Variants in LARGE1 observed in about 807,000 individuals in gnomAD.
LARGE1 encodes LARGE xylosyl- and glucuronyltransferase 1, also known as xylosyl- and glucuronyltransferase LARGE1.
A neutral mutation model predicts 87.6 loss-of-function variants in LARGE1; 43 were observed. The observed-to-expected ratio is 0.49, with a 90% confidence interval of 0.38 to 0.63. LARGE1 has a LOEUF of 0.63. Among genes scored for constraint, LARGE1 ranks in the 30% least tolerant of loss-of-function variants. The probability of loss-of-function intolerance (pLI) is 0.00; values close to 1 mark genes in which losing one functional copy is unlikely to be tolerated. For missense variants in LARGE1, 802 were observed against 1,000.2 expected, an observed-to-expected ratio of 0.80 and a Z score of 2.67; for synonymous variants, 434 against 394.6, an observed-to-expected ratio of 1.10 and a Z score of -1.18.
rs367840614 is a variant in LARGE1 at position 33,446,276 on chromosome 22, G to A, written c.788-14011C>T. Among the ~76,000 whole-genome samples the A allele has an allele frequency of 1.2e-3, 188 of 152,282 alleles. 1 individual carries two copies. Among genetic ancestry groups the A allele is most frequent in the African/African-American group, 4.1e-3 (171 of 41,552 alleles). On this transcript the variant is annotated intron_variant, in intron 6 of 14. Coordinates refer to ENST00000397394, the MANE Select transcript of LARGE1 (RefSeq NM_133642.5). ...CCATAGCTCACATCTCTTCCATATG[G>A]CTGTTCCTGGGCTGTATCCTTTATA...
At position 33,501,360 on chromosome 22, in the gene LARGE1, C is replaced by G. The variant is rs189855737; in HGVS notation, c.787+63488G>C. Among the ~76,000 whole-genome samples, 542 of 152,266 alleles carry G rather than the reference C, an allele frequency of 3.6e-3. 3 individuals carry two copies. Among genetic ancestry groups the G allele is most frequent in the South Asian group, 0.022 (108 of 4,816 alleles). On this transcript the variant is annotated intron_variant, in intron 6 of 14. Coordinates refer to ENST00000397394, the MANE Select transcript of LARGE1 (RefSeq NM_133642.5). ...CTGACTTGGGGAGAGGATGGGAGAT[C>G]GCCTCTGTGTTTGCTGCAAAAGGAG...
intron 6 of LARGE1, among the ~76,000 whole-genome samples, chr22:33,512,406 C>T (rs1010870348): frequency 5.3e-5 from 8 of 151,896 alleles, no homozygotes; most frequent in Admixed American, 1.3e-4. Context: ...TTACAAAGAT[C>T]GATAATATTA....
chr22:33,557,189 ATCTT>A (rs1242587807), intron 6 of LARGE1, among the ~76,000 whole-genome samples: 2 of 152,212 alleles, frequency 1.3e-5, no homozygotes, highest in Non-Finnish European at 2.9e-5. Flanking sequence ...AAGTTAAATG[ATCTT>A]TCTAATATAT....
chr22:33,437,551 C>T (rs921401159), intron 6 of LARGE1, among the ~76,000 whole-genome samples: 3 of 152,066 alleles, frequency 2.0e-5, no homozygotes, highest in Non-Finnish European at 4.4e-5. Context: ...CTAAAAGCGT[C>T]GATGAAATAG....
intron 2 of LARGE1, among the ~76,000 whole-genome samples, chr22:33,672,137 A>C (rs903986746): frequency 3.3e-5 from 5 of 152,176 alleles, no homozygotes; most frequent in Admixed American, 1.3e-4. Context: ...AGAAAGAAGA[A>C]GACCTACGAA....
intron 4 of LARGE1, among the ~76,000 whole-genome samples, chr22:33,624,140 A>C (rs1414138904): frequency 1.3e-5 from 2 of 152,226 alleles, no homozygotes; most frequent in African/African-American, 4.8e-5. Flanking sequence ...TGGATATATT[A>C]ATTAACTGAT....
chr22:33,822,134 A>G (rs181125952), intron 1 of LARGE1, among the ~76,000 whole-genome samples: 3 of 152,294 alleles, frequency 2.0e-5, no homozygotes, highest in Admixed American at 2.0e-4. Context: ...ACTATGTAGC[A>G]TTAAATCTCA....
chr22:33,666,463 G>A (rs1397481819), intron 2 of LARGE1, among the ~76,000 whole-genome samples: 3 of 152,218 alleles, frequency 2.0e-5, no homozygotes, highest in Non-Finnish European at 2.9e-5. Context: ...ACCGCAGAGA[G>A]TGCATGAGGC....
intron 11 of LARGE1, among the ~76,000 whole-genome samples, chr22:33,173,781 G>A (rs5998778): frequency 1.8e-3 from 279 of 152,200 alleles, no homozygotes; most frequent in African/African-American, 6.5e-3. Flanking sequence ...AATGCAACAA[G>A]AAGAGCTAAC....
At chr22:33,304,111 C>A in intron 12 of LARGE1, 118 bp downstream of exon 12, 2 of 1,166,320 alleles carry the variant, frequency 1.7e-6, no homozygotes, top group South Asian at 2.6e-5. Flanking sequence ...GTCTCTGCTG[C>A]CCCATCTGGA....
At chr22:33,895,561 T>C (rs1308974314) in intron 1 of LARGE1, among the ~76,000 whole-genome samples, 1 of 152,210 alleles carries the variant, frequency 6.6e-6, no homozygotes, top group Non-Finnish European at 1.5e-5. Flanking sequence ...CCTCCTGTGC[T>C]GGCAGAATTC....
At chr22:33,811,870 G>A (rs557591896) in intron 1 of LARGE1, among the ~76,000 whole-genome samples, 28 of 152,292 alleles carry the variant, frequency 1.8e-4, no homozygotes, top group African/African-American at 6.7e-4. Context: ...CTTCAGGCCA[G>A]GGATAATGGG....
chr22:33,657,894 G>A (rs936656544), intron 2 of LARGE1, among the ~76,000 whole-genome samples: 1 of 151,684 alleles, frequency 6.6e-6, no homozygotes, highest in Admixed American at 6.6e-5. Flanking sequence ...TTTATGCAAC[G>A]CTGTCATGAA....
At chr22:33,301,498 A>G (rs1485140073) in intron 12 of LARGE1, among the ~76,000 whole-genome samples, 2 of 152,186 alleles carry the variant, frequency 1.3e-5, no homozygotes, top group African/African-American at 4.8e-5. Context: ...AACATTTTAT[A>G]TGAAAATCCA....
At chr22:33,834,323 CCT>C (rs1360758256) in intron 1 of LARGE1, among the ~76,000 whole-genome samples, 2 of 152,146 alleles carry the variant, frequency 1.3e-5, no homozygotes, top group Admixed American at 6.5e-5. Flanking sequence ...CATCATATCC[CCT>C]GTGACCTGCA....
At chr22:33,310,580 T>C (rs1482963936) in intron 11 of LARGE1, among the ~76,000 whole-genome samples, 2 of 152,166 alleles carry the variant, frequency 1.3e-5, no homozygotes, top group Non-Finnish European at 2.9e-5. Flanking sequence ...CCTAATTCGT[T>C]GTGGCATTCA....
chr22:33,340,135 T>C (rs1339142593), intron 9 of LARGE1, among the ~76,000 whole-genome samples: 6 of 151,870 alleles, frequency 4.0e-5, no homozygotes, highest in African/African-American at 1.5e-4. Flanking sequence ...AACAGGCCTA[T>C]GGGGCAGCAT....
chr22:33,497,812 C>A (rs937324422), intron 6 of LARGE1, among the ~76,000 whole-genome samples: 1 of 151,892 alleles, frequency 6.6e-6, no homozygotes, highest in African/African-American at 2.4e-5. Flanking sequence ...AGAGCCTTTG[C>A]GTACTTCATC....
intron 6 of LARGE1, among the ~76,000 whole-genome samples, chr22:33,525,135 C>A (rs149624045): frequency 2.6e-5 from 4 of 152,068 alleles, no homozygotes; most frequent in Admixed American, 6.5e-5. Context: ...AATTAGGGCA[C>A]GGAGGAAGGA....
Sources: gnomAD v4.1 joint callset for allele counts (sites outside exome capture counted in the v4.1 genomes callset) on GRCh38, gnomAD v4.1.1 for gene constraint, MANE v1.5 for transcripts, NCBI Gene and HGNC (gene_info 2026-07-23, HGNC 2026-07-21) for gene names.